The following LRP1B variants were observed in gnomAD, a reference collection of about 807,000 sequenced individuals.
LRP1B encodes LDL receptor related protein 1B, also known as low-density lipoprotein receptor-related protein 1B.
LRP1B carries 217 observed loss-of-function variants against 556.6 expected under a neutral mutation model. The observed-to-expected ratio is 0.39, with a 90% CI of 0.35 to 0.44. The LOEUF is 0.44. LRP1B is among the 20% of genes least tolerant of loss of function. The pLI is 1.00. For missense variants in LRP1B, 5,053 were observed against 5,620.8 expected, an observed-to-expected ratio of 0.90 and a Z score of 3.23; for synonymous variants, 2,047 against 1,865.8, an observed-to-expected ratio of 1.10 and a Z score of -2.50.
chr2:141,692,912 T>C (rs1691599425), intron 2 of LRP1B, among the ~76,000 whole-genome samples: 1 of 152,036 alleles, frequency 6.6e-6, no homozygotes, highest in Non-Finnish European at 1.5e-5. Context: ...CAGTCATATA[T>C]GCAGTCTGTC....
intron 3 of LRP1B, among the ~76,000 whole-genome samples, chr2:141,457,345 A>G (rs1681672876): frequency 6.6e-6 from 1 of 152,164 alleles, no homozygotes; most frequent in Non-Finnish European, 1.5e-5. Context: ...ACAGACGACC[A>G]AACACCACAT....
At chr2:141,900,033 G>T (rs187578150) in intron 1 of LRP1B, among the ~76,000 whole-genome samples, 43 of 152,078 alleles carry the variant, frequency 2.8e-4, no homozygotes, top group Non-Finnish European at 5.4e-4. Flanking sequence ...GAATTACATG[G>T]GGCAATTTGT....
At chr2:140,762,672 T>C (rs1019513520) in intron 35 of LRP1B, among the ~76,000 whole-genome samples, 2 of 152,040 alleles carry the variant, frequency 1.3e-5, no homozygotes, top group African/African-American at 4.8e-5. Flanking sequence ...TGCCCTTAGA[T>C]AAAAATAAGG....
intron 20 of LRP1B, among the ~76,000 whole-genome samples, chr2:140,936,751 T>C (rs1041319962): frequency 6.6e-6 from 1 of 152,184 alleles, no homozygotes; most frequent in Admixed American, 6.6e-5. Flanking sequence ...ATTGTACCTT[T>C]TGTTTGCAAA....
At chr2:140,811,683 T>G (rs183746724) in intron 32 of LRP1B, among the ~76,000 whole-genome samples, 1 of 152,252 alleles carries the variant, frequency 6.6e-6, no homozygotes, top group Admixed American at 6.5e-5. Context: ...TATTTTTATT[T>G]AAAATACGTA....
intron 2 of LRP1B, among the ~76,000 whole-genome samples, chr2:141,650,947 A>G (rs770792705): frequency 1.3e-5 from 2 of 152,198 alleles, no homozygotes; most frequent in Admixed American, 1.3e-4. Flanking sequence ...TATTGCTGTC[A>G]TCATTAGTCT....
chr2:140,759,723 T>G (rs1005255485), intron 35 of LRP1B, among the ~76,000 whole-genome samples: 24 of 152,214 alleles, frequency 1.6e-4, no homozygotes, highest in African/African-American at 5.8e-4. Context: ...GAACTCAGTC[T>G]AAGCATAGTT....
At chr2:141,780,705 C>A (rs1388765398) in intron 2 of LRP1B, among the ~76,000 whole-genome samples, 1 of 152,100 alleles carries the variant, frequency 6.6e-6, no homozygotes, top group South Asian at 2.1e-4. Context: ...TTTAGATGAA[C>A]CTTATAATGC....
chr2:142,124,157 C>T (rs536623999), intron 1 of LRP1B, among the ~76,000 whole-genome samples: 176 of 151,828 alleles, frequency 1.2e-3, no homozygotes, highest in Non-Finnish European at 1.9e-3. Context: ...GCCCAGTGCC[C>T]AATAGTTATC....
intron 2 of LRP1B, among the ~76,000 whole-genome samples, chr2:141,683,265 C>A (rs941906869): frequency 6.6e-6 from 1 of 152,104 alleles, no homozygotes; most frequent in Non-Finnish European, 1.5e-5. Context: ...GCCTCCATTT[C>A]TTTGAACAGG....
intron 3 of LRP1B, among the ~76,000 whole-genome samples, chr2:141,412,484 C>T (rs964515372): frequency 6.6e-6 from 1 of 152,146 alleles, no homozygotes; most frequent in Non-Finnish European, 1.5e-5. Context: ...ATAATCAAGA[C>T]AGAAGTTGAG....
At chr2:140,284,907 C>CCTACCTATAT (rs6146935) in intron 84 of LRP1B, among the ~76,000 whole-genome samples, 79,521 of 148,126 alleles carry the variant, frequency 0.54, 24,263 homozygotes, top group Non-Finnish European at 0.68. Flanking sequence ...TATCTATATA[C>CCTACCTATAT]CTATATACCT....
intron 41 of LRP1B, among the ~76,000 whole-genome samples, chr2:140,635,469 AT>A (rs1397445456): frequency 6.6e-6 from 1 of 151,838 alleles, no homozygotes; most frequent in Non-Finnish European, 1.5e-5. Context: ...TTTTATATTC[AT>A]TTATTATCCT....
At chr2:141,997,234 A>G (rs1156528681) in intron 1 of LRP1B, among the ~76,000 whole-genome samples, 3 of 152,066 alleles carry the variant, frequency 2.0e-5, no homozygotes, top group Non-Finnish European at 4.4e-5. Flanking sequence ...TTTCTAAATC[A>G]AGACCTTTCT....
chr2:140,418,708 C>A (rs1685304205), intron 66 of LRP1B, among the ~76,000 whole-genome samples: 1 of 151,758 alleles, frequency 6.6e-6, no homozygotes, highest in Non-Finnish European at 1.5e-5. Flanking sequence ...GTAAAACAAG[C>A]TCAGGGCTCT....
chr2:140,747,658 G>C (rs1222013419), intron 35 of LRP1B, among the ~76,000 whole-genome samples: 2 of 152,058 alleles, frequency 1.3e-5, no homozygotes, highest in Non-Finnish European at 2.9e-5. Flanking sequence ...ATCTCCTTTA[G>C]CTTATATGAA....
chr2:141,668,598 C>G (rs1690539503), intron 2 of LRP1B, among the ~76,000 whole-genome samples: 1 of 152,080 alleles, frequency 6.6e-6, no homozygotes, highest in African/African-American at 2.4e-5. Flanking sequence ...GATCATCTTC[C>G]CACTCTATCC....
intron 85 of LRP1B, among the ~76,000 whole-genome samples, chr2:140,273,781 C>T (rs551236921): frequency 2.6e-5 from 4 of 152,046 alleles, no homozygotes; most frequent in South Asian, 2.1e-4. Context: ...ACTGGTTTCA[C>T]GATAGAAACT....
At chr2:140,517,433 C>G (rs745760286) in intron 49 of LRP1B, among the ~76,000 whole-genome samples, 1 of 152,004 alleles carries the variant, frequency 6.6e-6, no homozygotes, top group African/African-American at 2.4e-5. Flanking sequence ...AAAATTAATA[C>G]ATTGGTGTAT....
Sources: gnomAD v4.1 joint callset for allele counts (sites outside exome capture counted in the v4.1 genomes callset) on GRCh38, gnomAD v4.1.1 for gene constraint, MANE v1.5 for transcripts, NCBI Gene and HGNC (gene_info 2026-07-23, HGNC 2026-07-21) for gene names.